Variants in ZFP82 observed in about 807,000 individuals in gnomAD.
ZFP82 encodes the protein ZFP82 zinc finger protein, also known as zinc finger protein 82 homolog.
Under a neutral mutation model 54.0 loss-of-function variants are expected in ZFP82, and 30 were observed. The observed-to-expected ratio is 0.56, with a 90% CI of 0.42 to 0.75. The LOEUF is 0.75. Ranked by LOEUF, ZFP82 falls within the 30% of genes least tolerant of loss-of-function variation. The pLI, the probability that ZFP82 is intolerant of heterozygous loss-of-function variation, is 0.00. For synonymous variants in ZFP82, 194 were observed against 209.5 expected (o/e 0.93, Z 0.64); for missense variants, 500 against 636.8 (o/e 0.79, Z 2.31).
chr19:36,388,170 A>G (rs531287607), downstream of ZFP82, among the ~76,000 whole-genome samples: 28 of 152,332 alleles, frequency 1.8e-4, no homozygotes, highest in African/African-American at 6.0e-4. Context: ...GGGTATTCCT[A>G]GTAAATCATT....
chr19:36,414,778 TA>T (rs1486799435), intron 1 of ZFP82, among the ~76,000 whole-genome samples: 2 of 151,312 alleles, frequency 1.3e-5, no homozygotes, highest in African/African-American at 4.9e-5. Flanking sequence ...TTCCATATCA[TA>T]AAACCAGCTC....
At chr19:36,411,781 C>T (rs535291796) in intron 1 of ZFP82, among the ~76,000 whole-genome samples, 62 of 149,576 alleles carry the variant, frequency 4.1e-4, no homozygotes, top group Middle Eastern at 3.5e-3. Context: ...AGGAGAATGG[C>T]GTGAAACCAG....
intron 4 of ZFP82, among the ~76,000 whole-genome samples, chr19:36,402,468 C>CAAGAAAAAAAA (rs2032403871): frequency 3.5e-5 from 2 of 57,444 alleles, no homozygotes; most frequent in African/African-American, 7.4e-5. Flanking sequence ...GACTCCATCT[C>CAAGAAAAAAAA]AAAAAAAAAA....
rs1965284101 is a variant in ZFP82, at chr19:36,392,680, A to C, written c.*61T>G. 68 of 1,444,914 alleles carry C rather than the reference A, an allele frequency of 4.7e-5. No individual in the cohort carries two copies. The highest frequency in any genetic ancestry group is 6.1e-5 in the Non-Finnish European group (67 of 1,093,390). 89.5% of individuals were successfully genotyped at this position (1,444,914 alleles called of 1,614,324 possible). The stretch of plus-strand genomic sequence containing the variant: ...GCCAACGCAGTTGCATGTATGGAGC[A>C]AAATAGATTAATTACTACATTCATA... On this transcript the variant is annotated 3_prime_UTR_variant, in exon 5 of 5. Coordinates refer to ENST00000392161, the MANE Select transcript of ZFP82 (RefSeq NM_133466.4).
chr19:36,390,970 G>A lies in ZFP82; in HGVS notation c.*1771C>T, dbSNP rs1332998067. ...TTTTTAGTAGAGATGGGGTTTCACC[G>A]TGTTAGCCAGGATGGTCTTGATCTC... On this transcript the variant is annotated 3_prime_UTR_variant, in exon 5 of 5. Coordinates refer to ENST00000392161, the MANE Select transcript of ZFP82 (RefSeq NM_133466.4). 3 of 152,074 alleles carry A rather than the reference G, an allele frequency of 2.0e-5. No homozygotes were observed. Among genetic ancestry groups the A allele is most frequent in the Admixed American group, 6.6e-5 (1 of 15,248 alleles). The allele number at this position is 152,074 out of a possible 1,614,324, so 9.4% of individuals were successfully genotyped here. A position where few individuals can be genotyped will look rare whatever the true frequency, so the allele number is the denominator to read the frequency against.
rs1429228438 is a variant in ZFP82, at chr19:36,408,012, C to T, written c.11G>A (p.Arg4Gln). 3.7e-6 allele frequency: 6 copies of T among 1,612,208 alleles called. No individual in the cohort carries two copies. The highest frequency in any genetic ancestry group is 3.4e-5 in the Admixed American group (2 of 59,628). MAL[R>Q]SVMFSDVSID... Reference sequence around the variant, plus strand: ...GGATACATCACTGAACATCACTGATCGCTGAAATGACAAACCACACATTAT... The same window carrying T: ...GGATACATCACTGAACATCACTGATTGCTGAAATGACAAACCACACATTAT... The change falls in exon 3 of 5, where the codon CGA becomes CAA. Residue 4 changes from arginine to glutamine, a missense_variant and splice_region_variant. Physicochemically the swap from Arg to Gln is conservative, Grantham distance 43. Transcript: ENST00000392161.
In ZFP82 at chr19:36,407,630, C is replaced by T. The variant is rs59241966; in HGVS notation, c.136+257G>A. ...ACAAAGTGAAACTTGTTTTCTTTGA[C>T]GCTGGTGAGGCTACAAATCACAAAG... On this transcript the variant is annotated intron_variant, in intron 3 of 4. Transcript: ENST00000392161. Among the ~76,000 whole-genome samples the T allele has an allele frequency of 6.7e-3, 1,013 of 152,210 alleles. 16 individuals are homozygous for T. Among genetic ancestry groups the T allele is most frequent in the African/African-American group, 0.023 (971 of 41,524 alleles).
chr19:36,396,835 T>C (rs2032303580), intron 4 of ZFP82, among the ~76,000 whole-genome samples: 1 of 109,938 alleles, frequency 9.1e-6, no homozygotes, highest in Non-Finnish European at 1.9e-5. Context: ...AGCAAGACTC[T>C]GTTTCTTTAA....
intron 1 of ZFP82, among the ~76,000 whole-genome samples, chr19:36,417,670 T>TA (rs773712798): frequency 4.6e-4 from 70 of 152,014 alleles, no homozygotes; most frequent in Non-Finnish European, 8.2e-4. Flanking sequence ...CAGAGTAACA[T>TA]AAGAGAGATG....
chr19:36,414,530 AT>A (rs2032635826), intron 1 of ZFP82, among the ~76,000 whole-genome samples: 1 of 150,948 alleles, frequency 6.6e-6, no homozygotes, highest in Non-Finnish European at 1.5e-5. Context: ...CACCCGGCTG[AT>A]TTTTTGTATT....
At chr19:36,413,618 G>A (rs1041927714) in intron 1 of ZFP82, among the ~76,000 whole-genome samples, 4 of 152,112 alleles carry the variant, frequency 2.6e-5, no homozygotes, top group African/African-American at 7.2e-5. Flanking sequence ...GTTGGGAGGT[G>A]GCAGACTCTC....
intron 4 of ZFP82, among the ~76,000 whole-genome samples, chr19:36,398,365 T>C (rs1035627326): frequency 1.3e-5 from 2 of 152,056 alleles, no homozygotes; most frequent in Non-Finnish European, 2.9e-5. Context: ...TGTGAAACCC[T>C]GTCTCTATTA....
At chr19:36,409,641 T>C in intron 2 of ZFP82, 140 bp downstream of exon 2, 1 of 816,408 alleles carries the variant, frequency 1.2e-6, no homozygotes, top group South Asian at 1.5e-5. Context: ...GGACAAGCAT[T>C]GTGGTTCACC....
intron 4 of ZFP82, among the ~76,000 whole-genome samples, chr19:36,402,131 T>A (rs192472597): frequency 6.6e-6 from 1 of 152,332 alleles, no homozygotes; most frequent in East Asian, 1.9e-4. Context: ...TTTTGAGTGT[T>A]AATAATTGCA....
chr19:36,402,718 G>A (rs748393484), intron 4 of ZFP82, among the ~76,000 whole-genome samples: 15 of 152,100 alleles, frequency 9.9e-5, no homozygotes, highest in South Asian at 6.2e-4. Context: ...TTTTGTGGCC[G>A]GGTGCGGTGG....
intron 1 of ZFP82, among the ~76,000 whole-genome samples, chr19:36,416,836 G>A (rs1255494177): frequency 1.1e-4 from 17 of 151,640 alleles, no homozygotes; most frequent in Non-Finnish European, 2.1e-4. Flanking sequence ...ACTTTGGGAG[G>A]CCGAGGCAGG....
chr19:36,410,447 G>GTGTGTGTGTGTGTGTGTGTGTGTT lies in ZFP82; in HGVS notation c.-78-581_-78-580insAACACACACACACACACACACACA, dbSNP rs1228786569. On this transcript the variant is annotated intron_variant, in intron 1 of 4. Coordinates refer to ENST00000392161, the MANE Select transcript of ZFP82 (RefSeq NM_133466.4). Reference sequence around the variant, plus strand: ...GTTATATATGTATGTGTGTGTGTGTGTGTATATGTGTGTGTATATATATAT... The same window carrying GTGTGTGTGTGTGTGTGTGTGTGTT: ...GTTATATATGTATGTGTGTGTGTGTGTGTGTGTGTGTGTGTGTGTGTGTTTGTATATGTGTGTGTATATATATAT... 2.0e-5 allele frequency among the ~76,000 whole-genome samples: 3 copies of GTGTGTGTGTGTGTGTGTGTGTGTT among 151,316 alleles called. No individual in the cohort carries two copies. In the East Asian group the frequency reaches 5.8e-4, roughly 29 times the overall value.
rs1172519212 is a variant in ZFP82, at chr19:36,393,497, G to A, written c.843C>T (p.Pro281=). Reference sequence around the variant, plus strand: ...CTTTTCCACACTCTTTACACACATAGGGTTTCTCACCAGTATGAATCCTCT... The same window carrying A: ...CTTTTCCACACTCTTTACACACATAAGGTTTCTCACCAGTATGAATCCTCT... ...LHQRIHTGEK[P]YVCKECGKAF... is the part of the protein sequence containing the mutation. Residue 281 remains proline, a synonymous_variant, in exon 5 of 5, where the codon CCC becomes CCT. Transcript: ENST00000392161. 2 of 1,613,918 alleles carry A rather than the reference G, an allele frequency of 1.2e-6. No individual in the cohort carries two copies. Among genetic ancestry groups the A allele is most frequent in the African/African-American group, 2.7e-5 (2 of 74,850 alleles).
At chr19:36,399,367 G>A (rs1452604677) in intron 4 of ZFP82, among the ~76,000 whole-genome samples, 1 of 152,224 alleles carries the variant, frequency 6.6e-6, no homozygotes, top group African/African-American at 2.4e-5. Flanking sequence ...TGTGGAGACA[G>A]TGGCAATACA....
Sources: gnomAD v4.1 joint callset for allele counts (sites outside exome capture counted in the v4.1 genomes callset) on GRCh38, gnomAD v4.1.1 for gene constraint, MANE v1.5 for transcripts, NCBI Gene and HGNC (gene_info 2026-07-23, HGNC 2026-07-21) for gene names.